Variants in PHF20 observed in about 807,000 individuals in gnomAD.
PHF20 encodes glioma-expressed antigen 2.
A neutral mutation model predicts 113.5 loss-of-function variants in PHF20; 23 were observed. The ratio of observed to expected loss-of-function variants is 0.20; its 90% CI spans 0.15 to 0.29. The LOEUF (loss-of-function observed/expected upper bound fraction) is 0.29, where lower values mean the gene tolerates loss of function less well. PHF20 is among the 10% of genes least tolerant of loss of function. PHF20 has a pLI of 1.00. For missense variants in PHF20, 943 were observed against 1,219.6 expected, an observed-to-expected ratio of 0.77 and a Z score of 3.38; for synonymous variants, 434 against 457.3, an observed-to-expected ratio of 0.95 and a Z score of 0.65.
Position 35,858,366 on chromosome 20 carries a change from T to C in PHF20, c.405T>C (p.Ala135=). The C allele has an allele frequency of 1.3e-6, 2 of 1,587,318 alleles. No individual in the cohort carries two copies. The highest frequency in any genetic ancestry group is 1.1e-5 in the South Asian group (1 of 88,762). ...CTGTCAAACATATTCATGTCAAAGC[T>C]TTTTCCAAAGATCAGGTGAGAAATG... is the stretch of plus-strand genomic sequence containing the variant. ...VQTVKHIHVK[A]FSKDQNIVGN... Residue 135 remains alanine (A), a synonymous_variant, in exon 5 of 18, where the codon GCT becomes GCC. Transcript: ENST00000374012.
At chr20:35,896,539 G>A (rs192582052) in intron 9 of PHF20, among the ~76,000 whole-genome samples, 6 of 151,980 alleles carry the variant, frequency 3.9e-5, no homozygotes, top group East Asian at 3.9e-4. Context: ...GCCTGGGGGC[G>A]GTGGCTCACA....
rs2056123853 is a variant in PHF20 at position 35,948,450 on chromosome 20, A to G, written c.*823A>G. The G allele has an allele frequency of 6.6e-6, 1 of 152,614 alleles. No individual in the cohort carries two copies. Among genetic ancestry groups the G allele is most frequent in the Admixed American group, 6.5e-5 (1 of 15,278 alleles). The allele number at this position is 152,614 out of a possible 1,614,324, so 9.5% of individuals were successfully genotyped here. A position where few individuals can be genotyped will look rare whatever the true frequency, so the allele number is the denominator to read the frequency against. ...TCCAAAAATGTTTCCCAAAATTTCA[A>G]ACTCTTTCACTGTAAAGATTTGTTA... On this transcript the variant is annotated 3_prime_UTR_variant, in exon 18 of 18. Transcript: ENST00000374012.
intron 12 of PHF20, 131 bp downstream of exon 12, chr20:35,914,328 T>A: frequency 1.1e-6 from 1 of 902,408 alleles, no homozygotes; most frequent in African/African-American, 1.7e-5. Context: ...ACATAATTTT[T>A]ATTTTCCCAG....
chr20:35,913,953 T>C (rs2055354043), intron 11 of PHF20, 80 bp from the exon 12 acceptor site: 2 of 1,382,012 alleles, frequency 1.4e-6, no homozygotes, highest in South Asian at 2.5e-5. Context: ...AAAGGAGGCT[T>C]GTTGGTTGGA....
At chr20:35,935,755 T>G (rs1051964454) in intron 15 of PHF20, among the ~76,000 whole-genome samples, 2 of 152,204 alleles carry the variant, frequency 1.3e-5, no homozygotes, top group Non-Finnish European at 2.9e-5. Flanking sequence ...TTCTAGCAAT[T>G]CAGAAGAGGG....
chr20:35,814,864 C>A (rs550132328), intron 2 of PHF20, among the ~76,000 whole-genome samples: 176 of 129,910 alleles, frequency 1.4e-3, no homozygotes, highest in Non-Finnish European at 1.1e-3. Context: ...CAGAGCGAGA[C>A]TCCGTCTCAA....
intron 1 of PHF20, among the ~76,000 whole-genome samples, chr20:35,791,602 T>C (rs76623527): frequency 0.044 from 6,497 of 149,022 alleles, 211 homozygotes; most frequent in African/African-American, 0.081. Flanking sequence ...GAATAGTATT[T>C]GTCATAAAAT....
intron 3 of PHF20, chr20:35,845,405 G>T (rs1246063533): frequency 1.0e-5 from 4 of 386,062 alleles, no homozygotes; most frequent in Admixed American, 5.3e-5. Context: ...TTGCTCTGTC[G>T]CCCAGTCTGA....
At chr20:35,904,687 C>T (rs1233061222) in intron 10 of PHF20, among the ~76,000 whole-genome samples, 1 of 151,862 alleles carries the variant, frequency 6.6e-6, no homozygotes, top group African/African-American at 2.4e-5. Context: ...TCTGAGAGTC[C>T]GTAGACTGAT....
At position 35,842,743 on chromosome 20, in the gene PHF20, C is replaced by T. The variant is rs945682918; in HGVS notation, c.254C>T (p.Ser85Phe). The T allele has an allele frequency of 1.9e-6, 3 of 1,612,298 alleles. No individual in the cohort carries two copies. The highest frequency in any genetic ancestry group is 2.5e-6 in the Non-Finnish European group (3 of 1,179,464). Reference sequence around the variant, plus strand: ...GGCTTGCATGAAGAGGATGGATCTTCTGTGAGTAACAAATCTGGGAAGTTC... The same window carrying T: ...GGCTTGCATGAAGAGGATGGATCTTTTGTGAGTAACAAATCTGGGAAGTTC... Reference protein sequence around the residue: ...KEGLHEEDGSSEFQINEQVLA... With the variant: ...KEGLHEEDGSFEFQINEQVLA... Residue 85 changes from serine (S) to phenylalanine (F), a missense_variant and splice_region_variant, in exon 3 of 18, where the codon TCT becomes TTT. By Grantham distance (155) the Ser-to-Phe change is radical. Transcript: ENST00000374012.
chr20:35,938,173 G>A lies in PHF20; in HGVS notation c.2301-524G>A, dbSNP rs545153023. Among the ~76,000 whole-genome samples, 16 of 152,088 alleles carry A rather than the reference G, an allele frequency of 1.1e-4. No individual in the cohort carries two copies. In the South Asian group the frequency reaches 1.9e-3, roughly 18 times the overall value. On this transcript the variant is annotated intron_variant, in intron 15 of 17. Transcript: ENST00000374012. ...AGGTGTGAGCCACCGCCCCCGGCCC[G>A]TTTTAATGTTAATGCTGGTCAGTTG... is the stretch of plus-strand genomic sequence containing the variant.
chr20:35,950,245 T>C lies in PHF20; in HGVS notation c.*2618T>C, dbSNP rs2056156147. The C allele has an allele frequency of 6.6e-6, 1 of 152,640 alleles. No homozygotes were observed. Among genetic ancestry groups the C allele is most frequent in the East Asian group, 1.9e-4 (1 of 5,198 alleles). The allele number at this position is 152,640 out of a possible 1,614,324, so 9.5% of individuals were successfully genotyped here. ...GCCAACATTGCACTGTGGATACATA[T>C]CTATGTTTACGCGCTATTAGAACAG... On this transcript the variant is annotated 3_prime_UTR_variant, in exon 18 of 18. Transcript: ENST00000374012.
chr20:35,847,049 C>T (rs2042637028), intron 3 of PHF20, among the ~76,000 whole-genome samples: 1 of 152,146 alleles, frequency 6.6e-6, no homozygotes, highest in Non-Finnish European at 1.5e-5. Context: ...AGAAGTCACT[C>T]CTGTGAGACA....
intron 2 of PHF20, among the ~76,000 whole-genome samples, chr20:35,834,247 G>GT (rs769738682): frequency 0.019 from 2,086 of 111,042 alleles, 44 homozygotes; most frequent in East Asian, 0.055. Flanking sequence ...TACAGCTATG[G>GT]TTTTTTTTTT....
intron 9 of PHF20, among the ~76,000 whole-genome samples, chr20:35,892,654 T>C (rs1357373529): frequency 6.6e-6 from 1 of 152,238 alleles, no homozygotes; most frequent in African/African-American, 2.4e-5. Context: ...TTTTGATTTG[T>C]GGTTCTGAAA....
intron 4 of PHF20, among the ~76,000 whole-genome samples, chr20:35,857,924 A>G (rs1235904318): frequency 6.6e-6 from 1 of 152,160 alleles, no homozygotes; most frequent in Non-Finnish European, 1.5e-5. Flanking sequence ...CCCGGAACGT[A>G]AAGATTAAAT....
chr20:35,838,948 G>A (rs998400925), intron 2 of PHF20, among the ~76,000 whole-genome samples: 1 of 151,098 alleles, frequency 6.6e-6, no homozygotes, highest in Admixed American at 6.6e-5. Flanking sequence ...GTGCCATGGT[G>A]GTGCCACTGC....
chr20:35,906,245 G>A (rs1452444849), intron 10 of PHF20, among the ~76,000 whole-genome samples: 5 of 152,176 alleles, frequency 3.3e-5, no homozygotes, highest in African/African-American at 7.2e-5. Context: ...TGGCCTTATC[G>A]CAGGAACATG....
At position 35,778,258 on chromosome 20, in the gene PHF20, T is replaced by C. The variant is rs78714570; in HGVS notation, c.-33+6179T>C. ...ACCACCATGCCCAACTAATTTTTTGTAGTTTTAGTAGAGACAAGGTTTCAC... is the reference window on the plus strand; with the variant it reads ...ACCACCATGCCCAACTAATTTTTTGCAGTTTTAGTAGAGACAAGGTTTCAC... On this transcript the variant is annotated intron_variant, in intron 1 of 17. Coordinates refer to ENST00000374012, the MANE Select transcript of PHF20 (RefSeq NM_016436.5). 9.6e-3 allele frequency among the ~76,000 whole-genome samples: 1,465 copies of C among 152,194 alleles called. 16 individuals are homozygous for C. The highest frequency in any genetic ancestry group is 0.04 in the East Asian group (205 of 5,180).
Sources: allele counts gnomAD v4.1 joint callset (sites outside exome capture counted in the v4.1 genomes callset), GRCh38; gene constraint gnomAD v4.1.1; transcripts MANE v1.5; gene names NCBI Gene and HGNC (gene_info 2026-07-23, HGNC 2026-07-21).